TAFA2: variants seen among roughly 807,000 people sequenced by gnomAD.
TAFA2 encodes TAFA chemokine like family member 2.
A neutral mutation model predicts 18.8 loss-of-function variants in TAFA2; 7 were observed. The ratio of observed to expected loss-of-function variants is 0.37; its 90% CI spans 0.21 to 0.70. The LOEUF is 0.70. TAFA2 is among the 30% of genes least tolerant of loss of function. The probability of loss-of-function intolerance (pLI) is 0.53; values close to 1 mark genes in which losing one functional copy is unlikely to be tolerated. For missense variants in TAFA2, 122 were observed against 158.1 expected (o/e 0.77, Z 1.23); for synonymous variants, 60 against 54.2 (o/e 1.11, Z -0.47).
At chr12:61,892,772 G>T (rs750565726) in intron 1 of TAFA2, among the ~76,000 whole-genome samples, 52 of 152,198 alleles carry the variant, frequency 3.4e-4, no homozygotes, top group Non-Finnish European at 5.3e-4. Context: ...CCAGGCAGCA[G>T]AGGTTGCAGT....
chr12:61,926,815 G>A (rs910772560), intron 1 of TAFA2, among the ~76,000 whole-genome samples: 3 of 152,106 alleles, frequency 2.0e-5, no homozygotes, highest in Admixed American at 6.6e-5. Context: ...GTTCACGCCT[G>A]TAATCCCAGC....
intron 1 of TAFA2, among the ~76,000 whole-genome samples, chr12:62,095,233 T>A (rs999719982): frequency 5.3e-5 from 8 of 152,222 alleles, no homozygotes; most frequent in Middle Eastern, 3.4e-3. Flanking sequence ...TCTTTGAGCA[T>A]CAGGCACTGT....
At chr12:62,003,205 G>C (rs1270626808) in intron 1 of TAFA2, among the ~76,000 whole-genome samples, 1 of 152,054 alleles carries the variant, frequency 6.6e-6, no homozygotes, top group Non-Finnish European at 1.5e-5. Context: ...ATGTAAATAT[G>C]GACCTGTCAT....
chr12:62,097,083 C>G (rs1281086606), intron 1 of TAFA2, among the ~76,000 whole-genome samples: 1 of 152,062 alleles, frequency 6.6e-6, no homozygotes, highest in Non-Finnish European at 1.5e-5. Context: ...GCTTCTGTTT[C>G]TTCATTGATT....
intron 1 of TAFA2, among the ~76,000 whole-genome samples, chr12:62,167,985 T>C (rs1315112428): frequency 1.3e-5 from 2 of 152,308 alleles, no homozygotes; most frequent in East Asian, 1.9e-4. Flanking sequence ...AAATTCATAA[T>C]CATACTTTCT....
chr12:62,182,062 T>A (rs777643121), intron 1 of TAFA2, among the ~76,000 whole-genome samples: 1 of 148,434 alleles, frequency 6.7e-6, no homozygotes, highest in Admixed American at 6.8e-5. Flanking sequence ...AATTTTGACA[T>A]CTAAGCCCTA....
intron 1 of TAFA2, among the ~76,000 whole-genome samples, chr12:62,003,353 T>G (rs1297942761): frequency 6.6e-6 from 1 of 152,126 alleles, no homozygotes; most frequent in Non-Finnish European, 1.5e-5. Context: ...GCTAACTCAA[T>G]CCAGGAAGTT....
At chr12:61,912,670 C>T (rs1876658325) in intron 1 of TAFA2, among the ~76,000 whole-genome samples, 1 of 152,186 alleles carries the variant, frequency 6.6e-6, no homozygotes, top group Non-Finnish European at 1.5e-5. Context: ...CTTACCACTG[C>T]CACCATCGTG....
rs555879624 is a variant in TAFA2, at chr12:61,766,568, C to T, written c.107-11544G>A. On this transcript the variant is annotated intron_variant, in intron 2 of 4. Transcript: ENST00000416284. ...CAATTTCTTACTTATCTCTGTAACG[C>T]GTGTAATTGTCTTTTATATTTACTT... 9.9e-5 allele frequency among the ~76,000 whole-genome samples: 15 copies of T among 152,132 alleles called. No homozygotes were observed. In the East Asian group the frequency reaches 1.2e-3, roughly 12 times the overall value.
chr12:62,025,480 C>T (rs1304309672), intron 1 of TAFA2, among the ~76,000 whole-genome samples: 1 of 152,044 alleles, frequency 6.6e-6, no homozygotes, highest in African/African-American at 2.4e-5. Flanking sequence ...ATTCTGATTT[C>T]TAATGAAAAG....
intron 1 of TAFA2, among the ~76,000 whole-genome samples, chr12:61,924,734 T>C (rs1349630564): frequency 2.0e-5 from 3 of 152,142 alleles, no homozygotes; most frequent in African/African-American, 7.2e-5. Flanking sequence ...AATTCACACA[T>C]AACAATATTA....
intron 1 of TAFA2, among the ~76,000 whole-genome samples, chr12:62,185,998 C>T (rs17715440): frequency 0.13 from 19,062 of 152,220 alleles, 1,372 homozygotes; most frequent in African/African-American, 0.19. Flanking sequence ...TCTGTCTCCT[C>T]ATAGCCCAGG....
intron 1 of TAFA2, among the ~76,000 whole-genome samples, chr12:61,902,267 G>T (rs749338306): frequency 6.6e-6 from 1 of 152,036 alleles, no homozygotes; most frequent in Non-Finnish European, 1.5e-5. Flanking sequence ...ACATCTAAAA[G>T]ATGAACAACT....
At chr12:61,858,032 C>T (rs1873958933) in intron 2 of TAFA2, among the ~76,000 whole-genome samples, 1 of 152,188 alleles carries the variant, frequency 6.6e-6, no homozygotes, top group Non-Finnish European at 1.5e-5. Flanking sequence ...AGCATTCAGC[C>T]TCTCAGGCAG....
At position 61,760,365 on chromosome 12, in the gene TAFA2, AATATATAT is replaced by A. The variant is rs71083956; in HGVS notation, c.107-5349_107-5342del. ...TTGGCATTGGTAGGAAAAATATCAAAATATATATATATATATATGCGCCAGTAAATATG... is the reference window on the plus strand; with the variant it reads ...TTGGCATTGGTAGGAAAAATATCAAAATATATATATGCGCCAGTAAATATG... On this transcript the variant is annotated intron_variant, in intron 2 of 4. Coordinates refer to ENST00000416284, the MANE Select transcript of TAFA2 (RefSeq NM_178539.5). Among the ~76,000 whole-genome samples the A allele has an allele frequency of 3.3e-4, 40 of 122,180 alleles. 1 individual carries two copies. Among genetic ancestry groups the A allele is most frequent in the Non-Finnish European group, 6.7e-4 (38 of 56,598 alleles). 80.2% of individuals were successfully genotyped at this position (122,180 alleles called of 152,430 possible).
At chr12:62,110,506 G>A (rs920018117) in intron 1 of TAFA2, among the ~76,000 whole-genome samples, 4 of 152,058 alleles carry the variant, frequency 2.6e-5, no homozygotes, top group Non-Finnish European at 4.4e-5. Context: ...ATGAGTTAGG[G>A]AGGACTCCCT....
rs185758803 is a variant in TAFA2, at chr12:62,014,400, G to A, written c.-1-146974C>T. 9.2e-5 allele frequency among the ~76,000 whole-genome samples: 14 copies of A among 152,266 alleles called. No homozygotes were observed. In the East Asian group the frequency reaches 1.9e-3, roughly 21 times the overall value. On this transcript the variant is annotated intron_variant, in intron 1 of 4. Coordinates refer to ENST00000416284, the MANE Select transcript of TAFA2 (RefSeq NM_178539.5). ...TCCCGGTACTTTGGGAGGCCAAGGC[G>A]GGCGAATCGCTTGTGCCCAGAAAAT...
chr12:61,950,523 A>T (rs1248676705), intron 1 of TAFA2, among the ~76,000 whole-genome samples: 2 of 151,964 alleles, frequency 1.3e-5, no homozygotes, highest in African/African-American at 4.8e-5. Flanking sequence ...GATGTTAAGC[A>T]TTTTTTTCAT....
chr12:62,164,263 A>T (rs1248791574), intron 1 of TAFA2, among the ~76,000 whole-genome samples: 1 of 152,106 alleles, frequency 6.6e-6, no homozygotes, highest in Non-Finnish European at 1.5e-5. Context: ...TTAGTTTCTC[A>T]ACAACTCTCT....
Sources: allele counts gnomAD v4.1 joint callset (sites outside exome capture counted in the v4.1 genomes callset), GRCh38; gene constraint gnomAD v4.1.1; transcripts MANE v1.5; gene names NCBI Gene and HGNC (gene_info 2026-07-23, HGNC 2026-07-21).